Variants in NEK11 observed in about 807,000 individuals in gnomAD.
NEK11 encodes NIMA related kinase 11, also known as serine/threonine-protein kinase Nek11.
A neutral mutation model predicts 80.7 loss-of-function variants in NEK11; 72 were observed. That is an observed-to-expected ratio of 0.89 (90% confidence interval 0.74 to 1.08). The LOEUF is 1.08. Ranked by LOEUF, NEK11 falls within the 50% of genes least tolerant of loss-of-function variation. The pLI, the probability that NEK11 is intolerant of heterozygous loss-of-function variation, is 0.00. For synonymous variants in NEK11, 251 were observed against 260.7 expected, an observed-to-expected ratio of 0.96 and a Z score of 0.36; for missense variants, 764 against 763.6, an observed-to-expected ratio of 1.00 and a Z score of -0.01.
At chr3:131,091,749 A>G (rs2076760686) in intron 4 of NEK11, among the ~76,000 whole-genome samples, 1 of 152,258 alleles carries the variant, frequency 6.6e-6, no homozygotes, top group Non-Finnish European at 1.5e-5. Context: ...CTGTTAAAAT[A>G]AAAACTTTAA....
intron 17 of NEK11, among the ~76,000 whole-genome samples, chr3:131,324,158 C>T (rs570256593): frequency 5.9e-5 from 9 of 152,176 alleles, no homozygotes; most frequent in South Asian, 4.1e-4. Context: ...ATGGGCATGG[C>T]GAAGGGGTCA....
At chr3:131,177,105 A>G in intron 14 of NEK11, among the ~76,000 whole-genome samples, 1 of 152,156 alleles carries the variant, frequency 6.6e-6, no homozygotes, top group Non-Finnish European at 1.5e-5. Context: ...TAGTTGATGA[A>G]TTTATTTTCC....
chr3:131,074,450 T>G (rs1301654178), intron 3 of NEK11, among the ~76,000 whole-genome samples: 1 of 152,134 alleles, frequency 6.6e-6, no homozygotes, highest in Non-Finnish European at 1.5e-5. Flanking sequence ...CATTCCATAA[T>G]GTATAGTGTG....
rs147453361 is a variant in NEK11, at chr3:131,161,425, A to G, written c.963-983A>G. On this transcript the variant is annotated intron_variant, in intron 10 of 17. Transcript: ENST00000383366. ...TTGTTCACAATAGCAAAGACATGGA[A>G]TCAACCTAAATGCCCATCCATGGTA... 3.1e-3 allele frequency among the ~76,000 whole-genome samples: 470 copies of G among 152,338 alleles called. 1 individual carries two copies. Among genetic ancestry groups the G allele is most frequent in the African/African-American group, 0.011 (448 of 41,572 alleles).
intron 14 of NEK11, among the ~76,000 whole-genome samples, chr3:131,216,801 A>T (rs2094851658): frequency 6.6e-6 from 1 of 152,238 alleles, no homozygotes; most frequent in South Asian, 2.1e-4. Flanking sequence ...CTTAGCAAAT[A>T]TGCTGCTGCA....
chr3:131,106,307 C>G (rs960213869), intron 4 of NEK11, among the ~76,000 whole-genome samples: 1 of 147,470 alleles, frequency 6.8e-6, no homozygotes, highest in Non-Finnish European at 1.5e-5. Flanking sequence ...TTTTTCCCAT[C>G]CTTCGTAAGA....
rs113122833 is a variant in NEK11, at chr3:131,122,017, C to T, written c.456-10728C>T. ...CCAGCAAGCCCCAGTGAGATGAACC[C>T]GGTACCTCAGTTGGAAATGCAGAAA... On this transcript the variant is annotated intron_variant, in intron 5 of 17. Coordinates refer to ENST00000383366, the MANE Select transcript of NEK11 (RefSeq NM_024800.5). 2.6e-3 allele frequency among the ~76,000 whole-genome samples: 395 copies of T among 152,292 alleles called. 1 individual carries two copies. The highest frequency in any genetic ancestry group is 8.9e-3 in the African/African-American group (370 of 41,562).
At chr3:131,127,595 A>G (rs1416549479) in intron 5 of NEK11, among the ~76,000 whole-genome samples, 3 of 151,990 alleles carry the variant, frequency 2.0e-5, no homozygotes, top group African/African-American at 4.8e-5. Flanking sequence ...ATCCTTGTCC[A>G]ATAATTTCAA....
intron 7 of NEK11, among the ~76,000 whole-genome samples, chr3:131,140,986 C>A (rs754085120): frequency 6.6e-6 from 1 of 152,122 alleles, no homozygotes; most frequent in Non-Finnish European, 1.5e-5. Flanking sequence ...ACCCAATTAT[C>A]CACATTTCTT....
intron 4 of NEK11, among the ~76,000 whole-genome samples, chr3:131,088,876 GC>G (rs925750984): frequency 2.0e-5 from 3 of 151,966 alleles, no homozygotes; most frequent in African/African-American, 7.3e-5. Context: ...CACGTTTTAT[GC>G]AGTCTCTTAA....
chr3:131,183,185 T>C (rs936900290), intron 14 of NEK11, among the ~76,000 whole-genome samples: 1 of 152,206 alleles, frequency 6.6e-6, no homozygotes, highest in African/African-American at 2.4e-5. Flanking sequence ...TTTTAAAATG[T>C]TTCCCTTGGC....
intron 9 of NEK11, chr3:131,154,768 T>A: frequency 2.8e-6 from 1 of 363,158 alleles, no homozygotes. Context: ...TAGCTGAAAG[T>A]AGGCCTGCCC....
At chr3:131,307,993 TG>T (rs1202812642) in intron 17 of NEK11, among the ~76,000 whole-genome samples, 1 of 152,222 alleles carries the variant, frequency 6.6e-6, no homozygotes, top group African/African-American at 2.4e-5. Flanking sequence ...ATTAAAAATA[TG>T]TGACACTTGA....
At chr3:131,167,737 A>G (rs2092357959) in intron 12 of NEK11, among the ~76,000 whole-genome samples, 1 of 152,198 alleles carries the variant, frequency 6.6e-6, no homozygotes, top group African/African-American at 2.4e-5. Flanking sequence ...AGATGAAGAA[A>G]GAGAGGATTT....
chr3:131,083,419 AGCTGGCAGGTT>A (rs1307055615), intron 4 of NEK11, among the ~76,000 whole-genome samples: 2 of 152,170 alleles, frequency 1.3e-5, no homozygotes, highest in Non-Finnish European at 2.9e-5. Flanking sequence ...TGTGCCACTG[AGCTGGCAGGTT>A]GCCACTTCCC....
intron 10 of NEK11, 109 bp from the exon 11 acceptor site, chr3:131,162,299 A>G (rs902758162): frequency 4.4e-6 from 6 of 1,377,784 alleles, no homozygotes; most frequent in African/African-American, 4.3e-5. Context: ...GGCCTGTCTC[A>G]AGATGCTTTT....
intron 3 of NEK11, chr3:131,053,474 T>G (rs1034400914): frequency 1.3e-5 from 2 of 152,236 alleles, no homozygotes; most frequent in South Asian, 4.1e-4. Flanking sequence ...CCAGATCTGG[T>G]TTTTCTTGCC....
chr3:131,235,955 G>A (rs1385383446), intron 15 of NEK11, among the ~76,000 whole-genome samples: 1 of 152,100 alleles, frequency 6.6e-6, no homozygotes, highest in East Asian at 1.9e-4. Flanking sequence ...TGTGAAAATG[G>A]ACTATGAGCT....
chr3:131,059,054 A>G (rs1253740353), intron 3 of NEK11, among the ~76,000 whole-genome samples: 1 of 152,226 alleles, frequency 6.6e-6, no homozygotes, highest in Non-Finnish European at 1.5e-5. Flanking sequence ...AATTGTTAAT[A>G]CAAGGTGTAA....
Sources: allele counts gnomAD v4.1 joint callset (sites outside exome capture counted in the v4.1 genomes callset), GRCh38; gene constraint gnomAD v4.1.1; transcripts MANE v1.5; gene names NCBI Gene and HGNC (gene_info 2026-07-23, HGNC 2026-07-21).